The following KCNB2 variants were observed in gnomAD, a reference collection of about 807,000 sequenced individuals.
KCNB2 encodes the protein delayed rectifier potassium channel protein.
In KCNB2, 15 loss-of-function variants were observed where a neutral mutation model predicts 61.5. The ratio of observed to expected loss-of-function variants is 0.24; its 90% CI spans 0.16 to 0.38. The LOEUF (loss-of-function observed/expected upper bound fraction) is 0.38, where lower values mean the gene tolerates loss of function less well. Ranked by LOEUF, KCNB2 falls within the 10% of genes least tolerant of loss-of-function variation. The pLI is 1.00. For missense variants in KCNB2, 828 were observed against 1,125.2 expected, an observed-to-expected ratio of 0.74 and a Z score of 3.78; for synonymous variants, 457 against 446.0, an observed-to-expected ratio of 1.02 and a Z score of -0.31.
chr8:72,632,629 C>A (rs1805898678), intron 2 of KCNB2, among the ~76,000 whole-genome samples: 1 of 152,182 alleles, frequency 6.6e-6, no homozygotes, highest in African/African-American at 2.4e-5. Context: ...TGTCTTCATT[C>A]ATAAATTATA....
At chr8:72,931,405 C>A (rs1218827055) in intron 2 of KCNB2, among the ~76,000 whole-genome samples, 1 of 152,132 alleles carries the variant, frequency 6.6e-6, no homozygotes, top group Non-Finnish European at 1.5e-5. Flanking sequence ...GCCATTTTCA[C>A]GATATTGATT....
rs1806905036 is a variant in KCNB2, at chr8:72,936,421, G to T, written c.1066G>T (p.Ala356Ser). ...GATATTTTCCAGCCTGGTATTTTTTGCTGAGAAGGATGAAGATGCTACCAA... is the reference window on the plus strand; with the variant it reads ...GATATTTTCCAGCCTGGTATTTTTTTCTGAGAAGGATGAAGATGCTACCAA... ...IMIFSSLVFF[A>S]EKDEDATKFT... The change falls in exon 3 of 3, where the codon GCT (alanine) becomes TCT (serine). Residue 356 changes from alanine to serine, a missense_variant. Coordinates refer to ENST00000523207, the MANE Select transcript of KCNB2 (RefSeq NM_004770.3). The surrounding 1 kb of genome is among the most constrained non-coding windows in gnomAD (Gnocchi z 5.6). 2 of 1,614,086 alleles carry T rather than the reference G, an allele frequency of 1.2e-6. No individual in the cohort carries two copies. Among genetic ancestry groups the T allele is most frequent in the Non-Finnish European group, 1.7e-6 (2 of 1,179,982 alleles).
At chr8:72,645,426 T>C (rs985636785) in intron 2 of KCNB2, among the ~76,000 whole-genome samples, 1 of 152,156 alleles carries the variant, frequency 6.6e-6, no homozygotes, top group Non-Finnish European at 1.5e-5. Flanking sequence ...CATCATTTTT[T>C]TTAATATATC....
chr8:72,762,016 AAACTG>A (rs1808390439), intron 2 of KCNB2, among the ~76,000 whole-genome samples: 3 of 152,224 alleles, frequency 2.0e-5, no homozygotes, highest in Admixed American at 2.0e-4. Context: ...AATTTGTTTT[AAACTG>A]GCATTACTTT....
intron 2 of KCNB2, among the ~76,000 whole-genome samples, chr8:72,637,782 G>A (rs1344053560): frequency 1.3e-5 from 2 of 152,162 alleles, no homozygotes; most frequent in African/African-American, 2.4e-5. Context: ...CTAAAGACGT[G>A]CCATCAAGGG....
chr8:72,630,068 A>G (rs1805856231), intron 2 of KCNB2, among the ~76,000 whole-genome samples: 1 of 152,202 alleles, frequency 6.6e-6, no homozygotes, highest in Admixed American at 6.5e-5. Flanking sequence ...AACCAGTTGT[A>G]TGCTGGAATT....
At chr8:72,734,153 G>C (rs1297469567) in intron 2 of KCNB2, among the ~76,000 whole-genome samples, 1 of 152,138 alleles carries the variant, frequency 6.6e-6, no homozygotes, top group African/African-American at 2.4e-5. Flanking sequence ...CTGTAGCATA[G>C]ATTCAGTGTA....
chr8:72,611,725 A>G (rs200009540), intron 2 of KCNB2, among the ~76,000 whole-genome samples: 12 of 152,260 alleles, frequency 7.9e-5, no homozygotes, highest in East Asian at 5.8e-4. Flanking sequence ...TGTTCTGCCA[A>G]TTGCAACTTT....
intron 2 of KCNB2, among the ~76,000 whole-genome samples, chr8:72,915,166 C>G (rs1357424246): frequency 6.6e-6 from 1 of 152,134 alleles, no homozygotes; most frequent in Admixed American, 6.6e-5. Flanking sequence ...ACTCCTGACT[C>G]CATGATCGGC....
intron 2 of KCNB2, among the ~76,000 whole-genome samples, chr8:72,718,980 A>T (rs1807498820): frequency 6.6e-6 from 1 of 152,124 alleles, no homozygotes; most frequent in African/African-American, 2.4e-5. Flanking sequence ...ACTTACCCCA[A>T]ATGTCAAGAT....
chr8:72,579,191 C>T (rs1229376649), intron 2 of KCNB2, among the ~76,000 whole-genome samples: 1 of 152,188 alleles, frequency 6.6e-6, no homozygotes, highest in East Asian at 1.9e-4. Flanking sequence ...CACTGAGCCC[C>T]TCGAGAGCCC....
At position 72,936,147 on chromosome 8, in the gene KCNB2, C is replaced by T. The variant is rs754837896; in HGVS notation, c.792C>T (p.Gly264=). Residue 264 remains glycine, a synonymous_variant, in exon 3 of 3, where the codon GGC becomes GGT. Coordinates refer to ENST00000523207, the MANE Select transcript of KCNB2 (RefSeq NM_004770.3). The surrounding 1 kb of genome is among the most constrained non-coding windows in gnomAD (Gnocchi z 5.6). ...SSPNKWKFFK[G]PLNVIDLLAI... is the part of the protein sequence containing the mutation. ...CAAATAAATGGAAGTTCTTCAAAGG[C>T]CCACTGAATGTCATTGATTTGCTGG... The T allele has an allele frequency of 1.2e-6, 2 of 1,614,188 alleles. No individual in the cohort carries two copies. Among genetic ancestry groups the T allele is most frequent in the East Asian group, 4.5e-5 (2 of 44,876 alleles).
At chr8:72,725,541 G>GTATATATGTATATATA (rs1484909320) in intron 2 of KCNB2, among the ~76,000 whole-genome samples, 4 of 74,730 alleles carry the variant, frequency 5.4e-5, no homozygotes, top group Admixed American at 3.1e-4. Flanking sequence ...ATATATATAT[G>GTATATATGTATATATA]TGTGTATATA....
intron 2 of KCNB2, among the ~76,000 whole-genome samples, chr8:72,637,260 A>C (rs777592054): frequency 2.8e-4 from 43 of 152,174 alleles, no homozygotes; most frequent in Non-Finnish European, 4.9e-4. Flanking sequence ...GACCACAAAG[A>C]ACAGTTCTAC....
intron 2 of KCNB2, among the ~76,000 whole-genome samples, chr8:72,930,802 T>C (rs578002886): frequency 0.049 from 7,515 of 152,286 alleles, 581 homozygotes; most frequent in African/African-American, 0.17. Context: ...TTTAGTTTAA[T>C]TAGATCCCAT....
At chr8:72,831,695 T>C (rs1809700245) in intron 2 of KCNB2, among the ~76,000 whole-genome samples, 1 of 152,264 alleles carries the variant, frequency 6.6e-6, no homozygotes, top group Non-Finnish European at 1.5e-5. Context: ...TCCCAAGTTG[T>C]TGAACCAATT....
intron 2 of KCNB2, among the ~76,000 whole-genome samples, chr8:72,860,705 G>A (rs543613927): frequency 4.3e-4 from 66 of 152,268 alleles, no homozygotes; most frequent in African/African-American, 1.5e-3. Context: ...TCTACCCCTA[G>A]CATAAGGAAA....
chr8:72,745,703 A>G (rs1477930818), intron 2 of KCNB2, among the ~76,000 whole-genome samples: 1 of 152,116 alleles, frequency 6.6e-6, no homozygotes, highest in African/African-American at 2.4e-5. Context: ...GACTGATTGG[A>G]TAAGAGATCA....
intron 2 of KCNB2, among the ~76,000 whole-genome samples, chr8:72,779,177 C>G (rs762571744): frequency 6.6e-6 from 1 of 152,116 alleles, no homozygotes; most frequent in Admixed American, 6.6e-5. Context: ...ATGAGAGACT[C>G]GAGAAGAGAA....
Sources: gnomAD v4.1 joint callset for allele counts (sites outside exome capture counted in the v4.1 genomes callset) on GRCh38, gnomAD v4.1.1 for gene constraint, Gnocchi (gnomAD v3.1) non-coding constraint, MANE v1.5 for transcripts, NCBI Gene and HGNC (gene_info 2026-07-23, HGNC 2026-07-21) for gene names.